The following MTCH1 variants were observed in gnomAD, a reference collection of about 807,000 sequenced individuals.
MTCH1 encodes the protein mitochondrial carrier 1.
MTCH1 carries 23 observed loss-of-function variants against 49.3 expected under a neutral mutation model. That is an observed-to-expected ratio of 0.47 (90% confidence interval 0.34 to 0.66). The LOEUF (loss-of-function observed/expected upper bound fraction) is 0.66, where lower values mean the gene tolerates loss of function less well. MTCH1 is among the 30% of genes least tolerant of loss of function. The pLI is 0.01. For missense variants in MTCH1, 397 were observed against 532.1 expected, an observed-to-expected ratio of 0.75 and a Z score of 2.50; for synonymous variants, 229 against 215.2, an observed-to-expected ratio of 1.06 and a Z score of -0.56.
At position 36,982,708 on chromosome 6, in the gene MTCH1, G is replaced by A. The variant is rs1342092376; in HGVS notation, c.322-1036C>T. Among the ~76,000 whole-genome samples, 1 of 152,188 alleles carries A rather than the reference G, an allele frequency of 6.6e-6. No homozygotes were observed. Among genetic ancestry groups the A allele is most frequent in the Non-Finnish European group, 1.5e-5 (1 of 68,026 alleles). On this transcript the variant is annotated intron_variant, in intron 1 of 11. Transcript: ENST00000373627. The surrounding 1 kb of genome is among the most constrained non-coding windows in gnomAD (Gnocchi z 4.1). ...CCAGCCTGAAATATTTATTAAACCC[G>A]CGGGTGGGTGAAGGACCATCCATAT...
chr6:36,986,199 C>T (rs1583273127), upstream of MTCH1: 5 of 1,412,884 alleles, frequency 3.5e-6, no homozygotes, highest in Admixed American at 3.6e-5. Context: ...GGTCACTCCC[C>T]GTCACGTGAC....
intron 7 of MTCH1, among the ~76,000 whole-genome samples, chr6:36,975,279 T>G (rs1017779588): frequency 1.1e-4 from 17 of 152,258 alleles, no homozygotes; most frequent in African/African-American, 4.1e-4. Context: ...GGTCAGCCTG[T>G]GAGCTTCCAG....
At position 36,976,103 on chromosome 6, in the gene MTCH1, A is replaced by C. The variant is rs571667750; in HGVS notation, c.702-386T>G. 2.6e-5 allele frequency among the ~76,000 whole-genome samples: 4 copies of C among 152,256 alleles called. No individual in the cohort carries two copies. In the East Asian group the frequency reaches 7.7e-4, roughly 29 times the overall value. On this transcript the variant is annotated intron_variant, in intron 6 of 11. Transcript: ENST00000373627. Reference sequence around the variant, plus strand: ...AAACAACCCTCTAGCAGAGGAGCCCACAGGCCCGCCCAAGAGTAAGAGTAG... The same window carrying C: ...AAACAACCCTCTAGCAGAGGAGCCCCCAGGCCCGCCCAAGAGTAAGAGTAG...
Position 36,972,552 on chromosome 6 carries a change from TC to T in MTCH1, c.906+99del. On this transcript the variant is annotated intron_variant, in intron 8 of 11. Coordinates refer to ENST00000373627, the MANE Select transcript of MTCH1 (RefSeq NM_001271641.2). This position sits in a 1 kb window ranked among gnomAD's most constrained non-coding sequence, Gnocchi z 4.1. ...GATAATGAGAGGTCCTCTCTCACCC[TC>T]CCGGCCTGATGCTGAGAATCCCAGA... The T allele has an allele frequency of 7.1e-7, 1 of 1,410,230 alleles. No individual in the cohort carries two copies. The highest frequency in any genetic ancestry group is 9.6e-7 in the Non-Finnish European group (1 of 1,046,248). 87.4% of individuals were successfully genotyped at this position (1,410,230 alleles called of 1,614,324 possible). A position where few individuals can be genotyped will look rare whatever the true frequency, so the allele number is the denominator to read the frequency against.
At chr6:36,976,663 C>A in intron 6 of MTCH1, 1 of 455,402 alleles carries the variant, frequency 2.2e-6, no homozygotes. Context: ...CAGGTGTGTC[C>A]TTCACACATG....
chr6:36,970,608 G>A (rs376759178), intron 9 of MTCH1, 39 bp downstream of exon 9: 14 of 1,613,432 alleles, frequency 8.7e-6, no homozygotes, highest in African/African-American at 5.3e-5. Context: ...GCTTGGGTCC[G>A]CAAGGCAGTG....
rs2293388 is a variant in MTCH1, at chr6:36,977,286, G to A, written c.650-36C>T. On this transcript the variant is annotated intron_variant, in intron 5 of 11. Transcript: ENST00000373627. This position sits in a 1 kb window ranked among gnomAD's most constrained non-coding sequence, Gnocchi z 5.4. ...AAAAGAAAACACACACAGGTGATGT[G>A]GTGGGCCACACTTCATAATGCTCCA... 9.3e-6 allele frequency: 15 copies of A among 1,609,954 alleles called. No individual in the cohort carries two copies. In the East Asian group the frequency reaches 2.0e-4, roughly 22 times the overall value.
rs1379663624 is a variant in MTCH1, at chr6:36,968,174, G to T, written c.*729C>A. 1 of 152,884 alleles carries T rather than the reference G, an allele frequency of 6.5e-6. No homozygotes were observed. Among genetic ancestry groups the T allele is most frequent in the Non-Finnish European group, 1.5e-5 (1 of 68,564 alleles). The allele number at this position is 152,884 out of a possible 1,614,324, so 9.5% of individuals were successfully genotyped here. A position where few individuals can be genotyped will look rare whatever the true frequency, so the allele number is the denominator to read the frequency against. On this transcript the variant is annotated 3_prime_UTR_variant, in exon 12 of 12. Transcript: ENST00000373627. ...ACCAATACATTTATTTGCGGGAGAT[G>T]AGGTCAAATCTTACCATGAACTTTA...
At chr6:36,979,676 G>A (rs913191430) in intron 2 of MTCH1, among the ~76,000 whole-genome samples, 25 of 152,286 alleles carry the variant, frequency 1.6e-4, no homozygotes, top group Middle Eastern at 3.4e-3. Context: ...GAGGGGAGGG[G>A]ATGCTGGGTG....
In MTCH1 at chr6:36,970,841, C is replaced by T. The variant is rs1037976932; in HGVS notation, c.907-147G>A. The T allele has an allele frequency of 6.7e-5, 61 of 907,632 alleles. No homozygotes were observed. In the African/African-American group the frequency reaches 9.5e-4, roughly 14 times the overall value. 56.2% of individuals were successfully genotyped at this position (907,632 alleles called of 1,614,324 possible). On this transcript the variant is annotated intron_variant, in intron 8 of 11. Coordinates refer to ENST00000373627, the MANE Select transcript of MTCH1 (RefSeq NM_001271641.2). Reference sequence around the variant, plus strand: ...CCTGTCAGCCCTCACAGTCACTGCCCAGAGAAGGCCTGGGGGGCAGAAACG... The same window carrying T: ...CCTGTCAGCCCTCACAGTCACTGCCTAGAGAAGGCCTGGGGGGCAGAAACG...
In MTCH1 at chr6:36,972,127, G is replaced by A. The variant is rs867173019; in HGVS notation, c.906+525C>T. Among the ~76,000 whole-genome samples, 2 of 152,150 alleles carry A rather than the reference G, an allele frequency of 1.3e-5. No homozygotes were observed. Among genetic ancestry groups the A allele is most frequent in the African/African-American group, 4.8e-5 (2 of 41,436 alleles). On this transcript the variant is annotated intron_variant, in intron 8 of 11. Coordinates refer to ENST00000373627, the MANE Select transcript of MTCH1 (RefSeq NM_001271641.2). This position sits in a 1 kb window ranked among gnomAD's most constrained non-coding sequence, Gnocchi z 4.1. ...TGGCCTGGCCAGGGATCTAATTCCA[G>A]CCCTGTCAGTTCCAGCTGAGTGACT...
chr6:36,970,224 C>T (rs1223659763), intron 10 of MTCH1, 110 bp from the exon 11 acceptor site: 1 of 1,435,526 alleles, frequency 7.0e-7, no homozygotes, highest in South Asian at 1.2e-5. Context: ...ACACCCTGAC[C>T]CCTGACACCA....
intron 6 of MTCH1, among the ~76,000 whole-genome samples, 183 bp from the exon 7 acceptor site, chr6:36,975,900 A>G (rs1763863456): frequency 6.6e-6 from 1 of 152,114 alleles, no homozygotes; most frequent in South Asian, 2.1e-4. Flanking sequence ...GGTGAGGAGG[A>G]GTTTACACAG....
In MTCH1 at chr6:36,972,389, G is replaced by C. The variant is rs1583250894; in HGVS notation, c.906+263C>G. On this transcript the variant is annotated intron_variant, in intron 8 of 11. Coordinates refer to ENST00000373627, the MANE Select transcript of MTCH1 (RefSeq NM_001271641.2). This position sits in a 1 kb window ranked among gnomAD's most constrained non-coding sequence, Gnocchi z 4.1. ...GAGCCCTAGTTGGGTCACTGCCTCGGAGCAGCCTTAGATAAGCTGGGGTCT... is the reference window on the plus strand; with the variant it reads ...GAGCCCTAGTTGGGTCACTGCCTCGCAGCAGCCTTAGATAAGCTGGGGTCT... 6.6e-6 allele frequency among the ~76,000 whole-genome samples: 1 copy of C among 151,958 alleles called. No individual in the cohort carries two copies. The highest frequency in any genetic ancestry group is 3.2e-3 in the Middle Eastern group (1 of 316).
In MTCH1 at chr6:36,970,683, G is replaced by GAA; in HGVS notation, c.917_918insTT (p.Leu307SerfsTer11). 6.2e-7 allele frequency: 1 copy of GAA among 1,614,140 alleles called. No individual in the cohort carries two copies. Among genetic ancestry groups the GAA allele is most frequent in the Non-Finnish European group, 8.5e-7 (1 of 1,180,020 alleles). ...ACTTGGTATAGCTCCGGATGGCCAG[G>GAA]GCCTGGCTGAACTGAGGAGACAGAA... On this transcript the variant is annotated frameshift_variant, in exon 9 of 12. Coordinates refer to ENST00000373627, the MANE Select transcript of MTCH1 (RefSeq NM_001271641.2). LOFTEE classifies it high-confidence loss of function.
At chr6:36,970,884 G>A (rs778627829) in intron 8 of MTCH1, 190 bp from the exon 9 acceptor site, 2 of 666,384 alleles carry the variant, frequency 3.0e-6, no homozygotes, top group Non-Finnish European at 5.3e-6. Flanking sequence ...TGGACTGAAG[G>A]GAGTCCCGAG....
chr6:36,977,316 C>T lies in MTCH1; in HGVS notation c.650-66G>A, dbSNP rs1763917783. On this transcript the variant is annotated intron_variant, in intron 5 of 11. Transcript: ENST00000373627. The surrounding 1 kb of genome is among the most constrained non-coding windows in gnomAD (Gnocchi z 5.4). ...GCCACACTTCATAATGCTCCAGCCA[C>T]CGGGTGCCAGGTGCAGAGTGGCCAC... The T allele has an allele frequency of 6.4e-7, 1 of 1,574,096 alleles. No homozygotes were observed. Among genetic ancestry groups the T allele is most frequent in the African/African-American group, 1.3e-5 (1 of 74,170 alleles).
rs772595146 is a variant in MTCH1, at chr6:36,978,526, C to T, written c.492G>A (p.Val164=). The T allele has an allele frequency of 6.2e-7, 1 of 1,614,156 alleles. No individual in the cohort carries two copies. Among genetic ancestry groups the T allele is most frequent in the South Asian group, 1.1e-5 (1 of 91,074 alleles). ...PRLMSNALST[V]TRGSMKKVFP... The stretch of plus-strand genomic sequence containing the variant: ...TCACCTTCTTCATGCTACCCCGAGT[C>T]ACAGTAGAGAGGGCGTTGGACATCA... The change falls in exon 3 of 12, where the codon GTG becomes GTA. Residue 164 remains valine, a synonymous_variant. Transcript: ENST00000373627.
chr6:36,985,720 G>GCC, intron 1 of MTCH1, 133 bp downstream of exon 1: 3 of 344,946 alleles, frequency 8.7e-6, no homozygotes, highest in South Asian at 2.1e-5. Flanking sequence ...CACCCACTCG[G>GCC]CCCCCCAAAC....
Sources: gnomAD v4.1 joint callset for allele counts (sites outside exome capture counted in the v4.1 genomes callset) on GRCh38, gnomAD v4.1.1 for gene constraint, Gnocchi (gnomAD v3.1) non-coding constraint, MANE v1.5 for transcripts, NCBI Gene and HGNC (gene_info 2026-07-23, HGNC 2026-07-21) for gene names.